Variants in PIEZO2 observed in about 807,000 individuals in gnomAD.
PIEZO2 encodes piezo type mechanosensitive ion channel component 2.
In PIEZO2, 172 loss-of-function variants were observed where a neutral mutation model predicts 337.3. The ratio of observed to expected loss-of-function variants is 0.51; its 90% CI spans 0.45 to 0.58. The LOEUF (loss-of-function observed/expected upper bound fraction) is 0.58, where lower values mean the gene tolerates loss of function less well. Among genes scored for constraint, PIEZO2 ranks in the 20% least tolerant of loss-of-function variants. The probability of loss-of-function intolerance (pLI) is 0.00; values close to 1 mark genes in which losing one functional copy is unlikely to be tolerated. For synonymous variants in PIEZO2, 1,251 were observed against 1,228.5 expected, an observed-to-expected ratio of 1.02 and a Z score of -0.38; for missense variants, 3,028 against 3,391.3, an observed-to-expected ratio of 0.89 and a Z score of 2.66.
intron 3 of PIEZO2, among the ~76,000 whole-genome samples, chr18:10,920,453 A>T (rs2031317855): frequency 6.6e-6 from 1 of 152,166 alleles, no homozygotes; most frequent in Non-Finnish European, 1.5e-5. Context: ...GTAATTATAA[A>T]ATGTTTACAT....
rs1423311042 is a variant in PIEZO2, at chr18:10,824,031, A to G, written c.918-16757T>C. 1.3e-5 allele frequency among the ~76,000 whole-genome samples: 2 copies of G among 152,232 alleles called. No homozygotes were observed. The highest frequency in any genetic ancestry group is 4.8e-5 in the African/African-American group (2 of 41,466). The stretch of plus-strand genomic sequence containing the variant: ...CCTAAGGTCAGTGTATATCATTCCC[A>G]TGAATATTTAACTCACTTTTTCTAC... On this transcript the variant is annotated intron_variant, in intron 7 of 55. Coordinates refer to ENST00000674853, the MANE Select transcript of PIEZO2 (RefSeq NM_001378183.1). The surrounding 1 kb of genome is among the most constrained non-coding windows in gnomAD (Gnocchi z 4.4).
chr18:10,959,626 G>C (rs2033681693), intron 3 of PIEZO2, among the ~76,000 whole-genome samples: 1 of 152,036 alleles, frequency 6.6e-6, no homozygotes. Context: ...ACATCCATCT[G>C]ATTCATATGC....
At position 10,670,947 on chromosome 18, in the gene PIEZO2, C is replaced by T. The variant is rs1477896859; in HGVS notation, c.*580G>A. On this transcript the variant is annotated 3_prime_UTR_variant, in exon 56 of 56. Transcript: ENST00000674853. ...TAAGGCAGTAAGAGTATCACTAATA[C>T]TATGTTTTTGCTTAGAATGAGGCTG... 1.3e-5 allele frequency: 2 copies of T among 151,896 alleles called. No individual in the cohort carries two copies. Among genetic ancestry groups the T allele is most frequent in the Admixed American group, 6.6e-5 (1 of 15,176 alleles). The allele number at this position is 151,896 out of a possible 1,614,324, so 9.4% of individuals were successfully genotyped here.
At chr18:10,687,546 C>T (rs756587249) in intron 49 of PIEZO2, among the ~76,000 whole-genome samples, 22 of 152,142 alleles carry the variant, frequency 1.4e-4, no homozygotes, top group Non-Finnish European at 2.8e-4. Flanking sequence ...TCAAATTCAT[C>T]TCAATCCTGT....
In PIEZO2 at chr18:10,759,829, A is replaced by G. The variant is rs2038048219; in HGVS notation, c.3531T>C (p.Ala1177=). 2 of 1,537,424 alleles carry G rather than the reference A, an allele frequency of 1.3e-6. No individual in the cohort carries two copies. The highest frequency in any genetic ancestry group is 2.4e-5 in the South Asian group (2 of 84,060). Residue 1177 remains alanine (A), a synonymous_variant, in exon 25 of 56, where the codon GCT becomes GCC. Coordinates refer to ENST00000674853, the MANE Select transcript of PIEZO2 (RefSeq NM_001378183.1). The surrounding 1 kb of genome is among the most constrained non-coding windows in gnomAD (Gnocchi z 5.5). ...CTTTCCTTCTGCGTCTATATAAGAC[A>G]GCGATCAGCCAGCAGGCGTGGATCA... The part of the protein sequence containing the change: ...YAMIHACWLI[A]VLYRRRRKAI...
In PIEZO2 at chr18:10,834,627, G is replaced by C. The variant is rs79596677; in HGVS notation, c.917+20726C>G. On this transcript the variant is annotated intron_variant, in intron 7 of 55. Coordinates refer to ENST00000674853, the MANE Select transcript of PIEZO2 (RefSeq NM_001378183.1). The surrounding 1 kb of genome is among the most constrained non-coding windows in gnomAD (Gnocchi z 4.5). The stretch of plus-strand genomic sequence containing the variant: ...AACACCTCTCTGATTTCATGAGGTA[G>C]GTATCATGTAAGCAACTGTAGGAAG... 7.0e-3 allele frequency among the ~76,000 whole-genome samples: 1,070 copies of C among 152,238 alleles called. 10 individuals are homozygous for C. Among genetic ancestry groups the C allele is most frequent in the Non-Finnish European group, 0.012 (802 of 68,020 alleles).
intron 36 of PIEZO2, among the ~76,000 whole-genome samples, chr18:10,720,234 G>GTATATATATATATATATATATATATA (rs371910207): frequency 8.3e-6 from 1 of 119,904 alleles, no homozygotes; most frequent in African/African-American, 3.3e-5. Flanking sequence ...GTGTGTGTGT[G>GTATATATATATATATATATATATATA]TATATATATA....
At chr18:10,776,604 T>C (rs1162574438) in intron 18 of PIEZO2, among the ~76,000 whole-genome samples, 1 of 152,220 alleles carries the variant, frequency 6.6e-6, no homozygotes, top group East Asian at 1.9e-4. Context: ...CATTTCTTCA[T>C]CGGGAATCTG....
intron 4 of PIEZO2, among the ~76,000 whole-genome samples, chr18:10,907,517 A>G (rs1171733262): frequency 1.3e-5 from 2 of 152,164 alleles, no homozygotes; most frequent in Non-Finnish European, 2.9e-5. Context: ...CAGCCTACCA[A>G]TGACACACCC....
rs533084395 is a variant in PIEZO2 at position 11,096,097 on chromosome 18, G to T, written c.65-29875C>A. Among the ~76,000 whole-genome samples, 1 of 152,230 alleles carries T rather than the reference G, an allele frequency of 6.6e-6. No homozygotes were observed. Among genetic ancestry groups the T allele is most frequent in the Non-Finnish European group, 1.5e-5 (1 of 68,020 alleles). ...GCTTGGAACCAGCGGAGCTGTCCAAGTGAGGCTTCCATTCTCTAAGCCGGT... is the reference window on the plus strand; with the variant it reads ...GCTTGGAACCAGCGGAGCTGTCCAATTGAGGCTTCCATTCTCTAAGCCGGT... On this transcript the variant is annotated intron_variant, in intron 1 of 55. Coordinates refer to ENST00000674853, the MANE Select transcript of PIEZO2 (RefSeq NM_001378183.1). The surrounding 1 kb of genome is among the most constrained non-coding windows in gnomAD (Gnocchi z 4.6).
rs138838726 is a variant in PIEZO2 at position 11,108,794 on chromosome 18, A to T, written c.64+39731T>A. On this transcript the variant is annotated intron_variant, in intron 1 of 55. Coordinates refer to ENST00000674853, the MANE Select transcript of PIEZO2 (RefSeq NM_001378183.1). ...AATGCTCGTGCCACAGCTGGTTTGT[A>T]GCAGAGCTCAGGGCTGGCAAGCTGA... 7.3e-3 allele frequency among the ~76,000 whole-genome samples: 1,108 copies of T among 152,142 alleles called. 5 individuals are homozygous for T. Among genetic ancestry groups the T allele is most frequent in the Middle Eastern group, 0.017 (5 of 294 alleles).
At position 10,759,478 on chromosome 18, in the gene PIEZO2, T is replaced by C; in HGVS notation, c.3757+4A>G. 1.3e-6 allele frequency: 2 copies of C among 1,535,190 alleles called. No individual in the cohort carries two copies. Among genetic ancestry groups the C allele is most frequent in the Non-Finnish European group, 1.7e-6 (2 of 1,145,554 alleles). The stretch of plus-strand genomic sequence containing the variant: ...CTCTGTGGCCCTGCAGTGGAAACAC[T>C]TACAGACGAGAAACACAGGGTTGGG... On this transcript the variant is annotated splice_donor_region_variant and intron_variant, in intron 26 of 55. Transcript: ENST00000674853. The surrounding 1 kb of genome is among the most constrained non-coding windows in gnomAD (Gnocchi z 5.5).
chr18:11,093,691 A>G (rs917969329), intron 1 of PIEZO2, among the ~76,000 whole-genome samples: 19 of 142,948 alleles, frequency 1.3e-4, no homozygotes, highest in Non-Finnish European at 2.2e-4. Context: ...GGTTCAGGCC[A>G]TTCTCCTGCC....
At chr18:10,697,092 G>A (rs571579323) in intron 45 of PIEZO2, among the ~76,000 whole-genome samples, 3 of 152,278 alleles carry the variant, frequency 2.0e-5, no homozygotes, top group African/African-American at 7.2e-5. Context: ...ATACTCCCCT[G>A]GCCTTTTATC....
intron 3 of PIEZO2, among the ~76,000 whole-genome samples, chr18:10,958,119 T>A (rs1329130196): frequency 6.6e-6 from 1 of 152,076 alleles, no homozygotes; most frequent in African/African-American, 2.4e-5. Flanking sequence ...CCTCAAAACC[T>A]GAAAAGTGTT....
rs1232894879 is a variant in PIEZO2, at chr18:11,143,629, ACACACACACACTCTCTCTCT to A, written c.64+4876_64+4895del. Among the ~76,000 whole-genome samples, 4 of 87,072 alleles carry A rather than the reference ACACACACACACTCTCTCTCT, an allele frequency of 4.6e-5. No individual in the cohort carries two copies. Among genetic ancestry groups the A allele is most frequent in the African/African-American group, 2.6e-4 (4 of 15,224 alleles). 57.1% of individuals were successfully genotyped at this position (87,072 alleles called of 152,430 possible). ...CACACACACACACACACACACACAC[ACACACACACACTCTCTCTCT>A]CTCTCTCTCTCTCTCTCTCTCTCAC... On this transcript the variant is annotated intron_variant, in intron 1 of 55. Coordinates refer to ENST00000674853, the MANE Select transcript of PIEZO2 (RefSeq NM_001378183.1). This position sits in a 1 kb window ranked among gnomAD's most constrained non-coding sequence, Gnocchi z 4.9.
At chr18:10,730,270 TC>T (rs1242700759) in intron 36 of PIEZO2, among the ~76,000 whole-genome samples, 1 of 152,248 alleles carries the variant, frequency 6.6e-6, no homozygotes, top group Non-Finnish European at 1.5e-5. Flanking sequence ...AGTGACATTA[TC>T]CAATGTTTAG....
chr18:11,034,553 A>C (rs1234338720), intron 2 of PIEZO2, among the ~76,000 whole-genome samples: 1 of 152,174 alleles, frequency 6.6e-6, no homozygotes, highest in African/African-American at 2.4e-5. Context: ...TCGGCCTCCC[A>C]AAGTGCTGGG....
rs1176742279 is a variant in PIEZO2 at position 11,127,252 on chromosome 18, CTCA to C, written c.64+21270_64+21272del. ...TTAGGCTGAGATATAGGAGGAAACGCTCATCAGAGCACACAGCCACTGCAAAGA... is the reference window on the plus strand; with the variant it reads ...TTAGGCTGAGATATAGGAGGAAACGCTCAGAGCACACAGCCACTGCAAAGA... On this transcript the variant is annotated intron_variant, in intron 1 of 55. Coordinates refer to ENST00000674853, the MANE Select transcript of PIEZO2 (RefSeq NM_001378183.1). The surrounding 1 kb of genome is among the most constrained non-coding windows in gnomAD (Gnocchi z 4.5). 6.6e-6 allele frequency among the ~76,000 whole-genome samples: 1 copy of C among 152,138 alleles called. No homozygotes were observed. Among genetic ancestry groups the C allele is most frequent in the Non-Finnish European group, 1.5e-5 (1 of 68,026 alleles).
Sources: gnomAD v4.1 joint callset for allele counts (sites outside exome capture counted in the v4.1 genomes callset) on GRCh38, gnomAD v4.1.1 for gene constraint, Gnocchi (gnomAD v3.1) non-coding constraint, MANE v1.5 for transcripts, NCBI Gene and HGNC (gene_info 2026-07-23, HGNC 2026-07-21) for gene names.